The following STRA6 variants were observed in gnomAD, a reference collection of about 807,000 sequenced individuals.
STRA6 encodes signaling receptor and transporter of retinol STRA6.
Under a neutral mutation model 83.6 loss-of-function variants are expected in STRA6, and 48 were observed. The observed-to-expected ratio is 0.57, with a 90% CI of 0.46 to 0.73. The LOEUF is 0.73. Among genes scored for constraint, STRA6 ranks in the 30% least tolerant of loss-of-function variants. STRA6 has a pLI of 0.00. For synonymous variants in STRA6, 353 were observed against 362.3 expected, an observed-to-expected ratio of 0.97 and a Z score of 0.29; for missense variants, 760 against 838.8, an observed-to-expected ratio of 0.91 and a Z score of 1.16.
At position 74,179,792 on chromosome 15, in the gene STRA6, G is replaced by A; in HGVS notation, c.*288C>T. 2 of 414,958 alleles carry A rather than the reference G, an allele frequency of 4.8e-6. No individual in the cohort carries two copies. The highest frequency in any genetic ancestry group is 4.4e-6 in the Non-Finnish European group (1 of 226,840). The allele number at this position is 414,958 out of a possible 1,614,324, so 25.7% of individuals were successfully genotyped here. On this transcript the variant is annotated 3_prime_UTR_variant, in exon 19 of 19. Transcript: ENST00000395105. ...AGGCTGATGGCAGAGCCAGGGTAGGGAGACGCCTGGATGTGGCTGCCCTGG... is the reference window on the plus strand; with the variant it reads ...AGGCTGATGGCAGAGCCAGGGTAGGAAGACGCCTGGATGTGGCTGCCCTGG...
chr15:74,198,119 T>C (rs1273480960), intron 2 of STRA6, among the ~76,000 whole-genome samples: 1 of 151,772 alleles, frequency 6.6e-6, no homozygotes, highest in Non-Finnish European at 1.5e-5. Flanking sequence ...TTTTTTTTTT[T>C]CTGGAGGGAC....
upstream of STRA6, among the ~76,000 whole-genome samples, chr15:74,205,637 G>A (rs760713511): frequency 1.3e-5 from 2 of 152,152 alleles, no homozygotes; most frequent in African/African-American, 2.4e-5. Flanking sequence ...AAACCATATC[G>A]GGCACTGAAG....
chr15:74,187,135 C>T (rs2073293246), intron 12 of STRA6, among the ~76,000 whole-genome samples: 1 of 152,258 alleles, frequency 6.6e-6, no homozygotes, highest in Non-Finnish European at 1.5e-5. Context: ...CCTGCTGAGC[C>T]TGGCCTGGTG....
rs1195236439 is a variant in STRA6 at position 74,183,935 on chromosome 15, A to G, written c.1221T>C (p.His407=). 3.7e-6 allele frequency: 6 copies of G among 1,613,806 alleles called. No individual in the cohort carries two copies. The Admixed American group carries it at 1.0e-4, about 27-fold the overall frequency. ...RGAALDLSPL[H]RSPHPSRQAI... Reference sequence around the variant, plus strand: ...CTTGGCGGGAGGGATGGGGACTCCGATGCAAGGGACTCAAGTCCAGGGCAG... The same window carrying G: ...CTTGGCGGGAGGGATGGGGACTCCGGTGCAAGGGACTCAAGTCCAGGGCAG... The change falls in exon 14 of 19, where the codon CAT becomes CAC. Residue 407 remains histidine, a synonymous_variant. Coordinates refer to ENST00000395105, the MANE Select transcript of STRA6 (RefSeq NM_022369.4).
At chr15:74,196,866 T>C (rs351219) in intron 4 of STRA6, among the ~76,000 whole-genome samples, 67,006 of 152,080 alleles carry the variant, frequency 0.44, 15,330 homozygotes, top group South Asian at 0.6. Context: ...CTCAGGATCA[T>C]GCCTGTCCAG....
upstream of STRA6, among the ~76,000 whole-genome samples, chr15:74,206,181 C>T (rs1192336492): frequency 1.3e-5 from 2 of 152,218 alleles, no homozygotes; most frequent in African/African-American, 2.4e-5. Context: ...GTGGTTGTGA[C>T]TTCCTAGGTG....
At position 74,202,684 on chromosome 15, in the gene STRA6, A is replaced by G. The variant is rs370156521; in HGVS notation, c.-16+29T>C. On this transcript the variant is annotated intron_variant, in intron 1 of 18. Transcript: ENST00000395105. The stretch of plus-strand genomic sequence containing the variant: ...GACGCCCCTTCCTTCCCCTTTCCCA[A>G]GCCCACCTAGACAGACCCACAGACA... 75 of 1,381,318 alleles carry G rather than the reference A, an allele frequency of 5.4e-5. No homozygotes were observed. The East Asian group carries it at 5.6e-4, about 10-fold the overall frequency. 85.6% of individuals were successfully genotyped at this position (1,381,318 alleles called of 1,614,324 possible).
rs1416535242 is a variant in STRA6, at chr15:74,196,060, G to A, written c.354C>T (p.Leu118=). The change falls in exon 5 of 19, where the codon CTC becomes CTT. Residue 118 remains leucine, a synonymous_variant. Coordinates refer to ENST00000395105, the MANE Select transcript of STRA6 (RefSeq NM_022369.4). ...GGAAGGGCAATGCGTCCTCGTCGGG[G>A]AGCAGCAAACACAGGGAGCTCAGGA... ...MVLLSSLCLL[L]PDEDALPFLT... The A allele has an allele frequency of 3.7e-6, 6 of 1,613,908 alleles. No homozygotes were observed. The highest frequency in any genetic ancestry group is 5.1e-6 in the Non-Finnish European group (6 of 1,180,026).
Position 74,195,996 on chromosome 15 carries a change from G to A in STRA6, c.406+12C>T, listed in dbSNP as rs529614787. ...ATCACACCAACCCCAGGGCCTGGGG[G>A]TCAGTGGGTACCTTGGCTGGGTGCT... On this transcript the variant is annotated intron_variant, in intron 5 of 18. Coordinates refer to ENST00000395105, the MANE Select transcript of STRA6 (RefSeq NM_022369.4). 6.2e-7 allele frequency: 1 copy of A among 1,613,816 alleles called. No homozygotes were observed. Among genetic ancestry groups the A allele is most frequent in the Non-Finnish European group, 8.5e-7 (1 of 1,179,952 alleles).
intron 1 of STRA6, 54 bp downstream of exon 1, chr15:74,202,659 G>C (rs2142089759): frequency 7.2e-7 from 1 of 1,394,984 alleles, no homozygotes; most frequent in Non-Finnish European, 9.3e-7. Context: ...TGCCTAAAGA[G>C]ACGCCCCTTC....
intron 2 of STRA6, among the ~76,000 whole-genome samples, chr15:74,199,637 C>G (rs1423180624): frequency 6.6e-6 from 1 of 152,228 alleles, no homozygotes; most frequent in African/African-American, 2.4e-5. Flanking sequence ...CAGGGCCCTG[C>G]CTGGGGGAGC....
chr15:74,202,526 G>T (rs2074125093), intron 1 of STRA6, 187 bp downstream of exon 1: 1 of 1,506,188 alleles, frequency 6.6e-7, no homozygotes, highest in Non-Finnish European at 8.8e-7. Context: ...CCATCGCACT[G>T]GTCCTGCAGA....
chr15:74,208,546 TC>T (rs962137549), intron 1 of STRA6, among the ~76,000 whole-genome samples: 28 of 152,242 alleles, frequency 1.8e-4, no homozygotes, highest in Non-Finnish European at 3.4e-4. Context: ...GCCAGTCAGA[TC>T]CAACTCAGAC....
In STRA6 at chr15:74,182,219, T is replaced by C; in HGVS notation, c.1462A>G (p.Met488Val). Residue 488 changes from methionine (M) to valine (V), a missense_variant, in exon 16 of 19, where the codon ATG (methionine) becomes GTG (valine). By Grantham distance (21) the Met-to-Val change is conservative. Transcript: ENST00000395105. ...TCCAGGAAGACCCAATGGGCTGCCATGTTCTGCAGGATCACAGCCAGGGCC... is the reference window on the plus strand; with the variant it reads ...TCCAGGAAGACCCAATGGGCTGCCACGTTCTGCAGGATCACAGCCAGGGCC... ...TLALAVILQN[M>V]AAHWVFLETH... is the part of the protein sequence containing the mutation. 6.2e-7 allele frequency: 1 copy of C among 1,614,138 alleles called. No individual in the cohort carries two copies. Among genetic ancestry groups the C allele is most frequent in the East Asian group, 2.2e-5 (1 of 44,864 alleles).
At chr15:74,199,312 C>A (rs2073955983) in intron 2 of STRA6, among the ~76,000 whole-genome samples, 1 of 152,150 alleles carries the variant, frequency 6.6e-6, no homozygotes. Flanking sequence ...AAACCAGTCA[C>A]TTGGTGGAGA....
In STRA6 at chr15:74,202,157, C is replaced by T. The variant is rs756683650; in HGVS notation, c.111G>A (p.Glu37=). 1.3e-6 allele frequency: 2 copies of T among 1,502,396 alleles called. No individual in the cohort carries two copies. Among genetic ancestry groups the T allele is most frequent in the South Asian group, 1.4e-5 (1 of 69,792 alleles). The allele number at this position is 1,502,396 out of a possible 1,614,324, so 93.1% of individuals were successfully genotyped here. ...EPQGGEELQP[E]GEVPSCHTSI... ...AGGTGGGGTGGTTCCACACTTACCC[C>T]TCTGGCTGGAGCTCCTCGCCCCCCT... is the stretch of plus-strand genomic sequence containing the variant. The change falls in exon 2 of 19, where the codon GAG becomes GAA. Residue 37 remains glutamate (E), a splice_region_variant and synonymous_variant. Transcript: ENST00000395105.
At chr15:74,204,467 A>G (rs1405155154), upstream of STRA6, among the ~76,000 whole-genome samples, 2 of 152,230 alleles carry the variant, frequency 1.3e-5, no homozygotes, top group Non-Finnish European at 2.9e-5. Context: ...CCCACACCAG[A>G]GGCCAGCAAG....
chr15:74,211,037 C>T (rs544659298), upstream of STRA6, among the ~76,000 whole-genome samples: 12 of 152,260 alleles, frequency 7.9e-5, no homozygotes, highest in South Asian at 2.5e-3. Flanking sequence ...GTACCCCAGA[C>T]TCCAACACAT....
chr15:74,202,471 A>AC (rs2074120907), intron 1 of STRA6, 189 bp from the exon 2 acceptor site: 3 of 1,535,934 alleles, frequency 2.0e-6, no homozygotes, highest in Non-Finnish European at 2.6e-6. Flanking sequence ...GCAAGCTGGC[A>AC]CGGGAAGAGG....
Sources: allele counts gnomAD v4.1 joint callset (sites outside exome capture counted in the v4.1 genomes callset), GRCh38; gene constraint gnomAD v4.1.1; transcripts MANE v1.5; gene names NCBI Gene and HGNC (gene_info 2026-07-23, HGNC 2026-07-21).